The following GAK variants were observed in gnomAD, a reference collection of about 807,000 sequenced individuals.
The protein encoded by GAK is cyclin-G-associated kinase.
Under a neutral mutation model 143.9 loss-of-function variants are expected in GAK, and 79 were observed. The observed-to-expected ratio is 0.55, with a 90% CI of 0.46 to 0.66. GAK has a LOEUF of 0.66. Ranked by LOEUF, GAK falls within the 30% of genes least tolerant of loss-of-function variation. The pLI is 0.00. For missense variants in GAK, 1,693 were observed against 1,779.7 expected (o/e 0.95, Z 0.88); for synonymous variants, 881 against 765.5 (o/e 1.15, Z -2.49).
At chr4:866,316 T>C in intron 22 of GAK, 48 bp downstream of exon 22, 4 of 1,582,696 alleles carry the variant, frequency 2.5e-6, no homozygotes, top group Non-Finnish European at 3.5e-6. Flanking sequence ...GCTGCGGTCC[T>C]GAGGGAGGCG....
intron 4 of GAK, among the ~76,000 whole-genome samples, chr4:907,143 G>A (rs753882402): frequency 4.6e-5 from 7 of 152,304 alleles, no homozygotes; most frequent in Admixed American, 2.6e-4. Context: ...AGAGCCGGTC[G>A]GGACCTGCCA....
intron 1 of GAK, among the ~76,000 whole-genome samples, chr4:920,174 G>A (rs1037752264): frequency 6.6e-6 from 1 of 152,042 alleles, no homozygotes; most frequent in African/African-American, 2.4e-5. Flanking sequence ...CCGGTATGGT[G>A]GCGGGCACCT....
intron 23 of GAK, among the ~76,000 whole-genome samples, chr4:864,317 C>A (rs921695848): frequency 1.3e-5 from 2 of 152,134 alleles, no homozygotes; most frequent in Non-Finnish European, 2.9e-5. Context: ...GTAGAGATTG[C>A]GCCACTATGC....
chr4:923,341 A>G (rs1158648958), intron 1 of GAK, among the ~76,000 whole-genome samples: 1 of 152,192 alleles, frequency 6.6e-6, no homozygotes, highest in Admixed American at 6.5e-5. Flanking sequence ...AGACCCTGTT[A>G]TATACATTTT....
intron 9 of GAK, among the ~76,000 whole-genome samples, chr4:891,468 A>G (rs1416166867): frequency 6.6e-6 from 1 of 152,102 alleles, no homozygotes; most frequent in East Asian, 1.9e-4. Context: ...TCCTGGGGGC[A>G]GTATTTTATT....
At chr4:870,966 A>G (rs977102692) in intron 18 of GAK, 62 bp from the exon 19 acceptor site, 1 of 1,414,768 alleles carries the variant, frequency 7.1e-7, no homozygotes, top group African/African-American at 1.4e-5. Flanking sequence ...GTCCTTGGAC[A>G]TTCACTAAAG....
intron 12 of GAK, among the ~76,000 whole-genome samples, chr4:883,724 GT>G (rs1384041271): frequency 3.3e-5 from 5 of 152,268 alleles, no homozygotes; most frequent in African/African-American, 1.2e-4. Context: ...CTGTCTCCAG[GT>G]GTCGGGATGA....
At chr4:865,080 T>C (rs761306124) in intron 23 of GAK, 42 bp downstream of exon 23, 3 of 1,526,030 alleles carry the variant, frequency 2.0e-6, no homozygotes, top group South Asian at 1.1e-5. Flanking sequence ...CCACAGCAGC[T>C]GCACGTCTGG....
intron 1 of GAK, among the ~76,000 whole-genome samples, chr4:917,684 C>T (rs187831949): frequency 1.4e-4 from 22 of 152,366 alleles, no homozygotes; most frequent in East Asian, 7.7e-4. Flanking sequence ...GTGGCGCTGA[C>T]GCACATGTTT....
At chr4:931,113 T>C (rs1243009593) in intron 1 of GAK, among the ~76,000 whole-genome samples, 2 of 152,142 alleles carry the variant, frequency 1.3e-5, no homozygotes, top group East Asian at 1.9e-4. Flanking sequence ...GGACAAAAAA[T>C]GTAAGGAAAA....
At chr4:896,424 A>T (rs1199686646) in intron 7 of GAK, 36 bp downstream of exon 7, 1 of 1,572,786 alleles carries the variant, frequency 6.4e-7, no homozygotes, top group Admixed American at 1.7e-5. Flanking sequence ...GGGCGCACGG[A>T]GCCAGGCACT....
At chr4:908,400 C>G (rs980232931) in intron 4 of GAK, among the ~76,000 whole-genome samples, 2 of 152,194 alleles carry the variant, frequency 1.3e-5, no homozygotes, top group African/African-American at 4.8e-5. Flanking sequence ...AGGGTGCTCT[C>G]GCCAGCGATC....
At chr4:857,159 G>A (rs1373859291) in intron 24 of GAK, among the ~76,000 whole-genome samples, 4 of 152,140 alleles carry the variant, frequency 2.6e-5, no homozygotes, top group South Asian at 2.1e-4. Context: ...TTGGATTCCT[G>A]GAATAAATCT....
At chr4:857,123 T>G (rs943936845) in intron 24 of GAK, among the ~76,000 whole-genome samples, 7 of 152,250 alleles carry the variant, frequency 4.6e-5, no homozygotes, top group Non-Finnish European at 8.8e-5. Flanking sequence ...TAAATAGATT[T>G]TGTTAACAAT....
chr4:877,322 A>G (rs1314214227), intron 16 of GAK, 115 bp from the exon 17 acceptor site: 1 of 754,444 alleles, frequency 1.3e-6, no homozygotes, highest in East Asian at 2.6e-5. Flanking sequence ...AATAACCAAT[A>G]AAGAATAACC....
chr4:914,519 C>T (rs1421191099), intron 1 of GAK, among the ~76,000 whole-genome samples: 1 of 106,194 alleles, frequency 9.4e-6, no homozygotes. Context: ...ACACACACAG[C>T]CCCAGCGTGC....
intron 4 of GAK, among the ~76,000 whole-genome samples, chr4:906,197 G>A (rs1310269991): frequency 1.3e-5 from 2 of 152,236 alleles, no homozygotes; most frequent in East Asian, 1.9e-4. Context: ...AGCCGTTAAC[G>A]TGAGAATCAC....
At chr4:880,482 C>T (rs904015075) in intron 15 of GAK, among the ~76,000 whole-genome samples, 10 of 152,222 alleles carry the variant, frequency 6.6e-5, no homozygotes, top group Admixed American at 3.3e-4. Context: ...ATAGTAGCTG[C>T]GCCCCCTTGC....
At chr4:889,387 G>A (rs1460398573) in intron 10 of GAK, among the ~76,000 whole-genome samples, 1 of 152,316 alleles carries the variant, frequency 6.6e-6, no homozygotes, top group South Asian at 2.1e-4. Context: ...GTGGCCCCTG[G>A]CCTGGTGGGT....
Sources: allele counts gnomAD v4.1 joint callset (sites outside exome capture counted in the v4.1 genomes callset), GRCh38; gene constraint gnomAD v4.1.1; transcripts MANE v1.5; gene names NCBI Gene and HGNC (gene_info 2026-07-23, HGNC 2026-07-21).